The following SLFN12L variants were observed in gnomAD, a reference collection of about 807,000 sequenced individuals.
SLFN12L encodes the protein schlafen family member 12-like.
In SLFN12L, 34 loss-of-function variants were observed where a neutral mutation model predicts 34.8. That is an observed-to-expected ratio of 0.98 (90% CI 0.74 to 1.30). SLFN12L has a LOEUF of 1.30. Ranked by LOEUF, SLFN12L falls within the 50% of genes most tolerant of loss-of-function variation. The pLI, the probability that SLFN12L is intolerant of heterozygous loss-of-function variation, is 0.00. For missense variants in SLFN12L, 703 were observed against 696.2 expected (o/e 1.01, Z -0.11); for synonymous variants, 259 against 247.5 (o/e 1.05, Z -0.44).
chr17:35,523,340 G>A (rs1916053723), intron 1 of SLFN12L, among the ~76,000 whole-genome samples: 1 of 152,222 alleles, frequency 6.6e-6, no homozygotes, highest in African/African-American at 2.4e-5. Context: ...CAAAGTGCAT[G>A]AATCTCAAAA....
intron 2 of SLFN12L, among the ~76,000 whole-genome samples, chr17:35,511,268 A>G (rs1343257113): frequency 6.6e-6 from 1 of 152,216 alleles, no homozygotes. Context: ...TGTAGTATAT[A>G]CCAATTTTCT....
chr17:35,494,109 C>T (rs149013817), intron 2 of SLFN12L, among the ~76,000 whole-genome samples: 1,680 of 151,862 alleles, frequency 0.011, 32 homozygotes, highest in African/African-American at 0.038. Context: ...TATTTTCCTA[C>T]GGGGTACGTG....
At chr17:35,498,905 C>T (rs966271422) in intron 2 of SLFN12L, 15 of 712,224 alleles carry the variant, frequency 2.1e-5, no homozygotes, top group Non-Finnish European at 3.3e-5. Context: ...ATATGCCCAG[C>T]CCTATTCTGC....
chr17:35,485,935 G>A (rs193030900), intron 2 of SLFN12L, among the ~76,000 whole-genome samples: 1 of 152,118 alleles, frequency 6.6e-6, no homozygotes, highest in Non-Finnish European at 1.5e-5. Context: ...GTGGTGTAAG[G>A]CTCCCTATCC....
At chr17:35,494,775 G>C (rs1414631877) in intron 2 of SLFN12L, among the ~76,000 whole-genome samples, 2 of 152,168 alleles carry the variant, frequency 1.3e-5, no homozygotes, top group Non-Finnish European at 2.9e-5. Flanking sequence ...GCCAGGACTG[G>C]GGTGAGGAGA....
intron 1 of SLFN12L, among the ~76,000 whole-genome samples, chr17:35,529,904 T>G (rs2142176094): frequency 6.6e-6 from 1 of 151,252 alleles, no homozygotes; most frequent in African/African-American, 2.4e-5. Flanking sequence ...ATTGAAATAA[T>G]AAAAATAATA....
In SLFN12L at chr17:35,537,613, A is replaced by G. The variant is rs11650473; in HGVS notation, c.-646T>C. ...ATTCCACAGGGTTGAGATGCTGAAA[A>G]GATGAGAAAGTTCCAGGAGCTCTGA... On this transcript the variant is annotated 5_prime_UTR_variant, in exon 1 of 5. Coordinates refer to ENST00000628453, the MANE Select transcript of SLFN12L (RefSeq NM_001363830.2). 29,945 of 152,202 alleles carry G rather than the reference A, an allele frequency of 0.2. 3,027 individuals are homozygous for G. The highest frequency in any genetic ancestry group is 0.28 in the Middle Eastern group (83 of 292). 9.4% of individuals were successfully genotyped at this position (152,202 alleles called of 1,614,324 possible).
chr17:35,520,009 AC>A (rs1310140177), intron 2 of SLFN12L, among the ~76,000 whole-genome samples: 11 of 152,200 alleles, frequency 7.2e-5, no homozygotes, highest in Non-Finnish European at 1.6e-4. Flanking sequence ...GACCGATGGA[AC>A]AGTCTCTTCG....
At chr17:35,504,122 C>A (rs1464039906) in intron 2 of SLFN12L, among the ~76,000 whole-genome samples, 1 of 152,154 alleles carries the variant, frequency 6.6e-6, no homozygotes, top group Non-Finnish European at 1.5e-5. Context: ...CCTTGTTATA[C>A]CCTGTGGGGA....
chr17:35,495,786 G>A (rs965005409), intron 2 of SLFN12L, among the ~76,000 whole-genome samples: 11 of 151,628 alleles, frequency 7.3e-5, no homozygotes, highest in African/African-American at 2.4e-4. Flanking sequence ...AACTGGCGCT[G>A]TCCTTCGCGC....
At chr17:35,513,309 G>A (rs8067329) in intron 2 of SLFN12L, among the ~76,000 whole-genome samples, 139,165 of 152,236 alleles carry the variant, frequency 0.91, 63,717 homozygotes, top group East Asian at 0.99. Flanking sequence ...TGACTTGCCC[G>A]AGGCTGTGCA....
intron 2 of SLFN12L, among the ~76,000 whole-genome samples, chr17:35,500,969 G>A (rs562506067): frequency 3.9e-4 from 60 of 152,282 alleles, no homozygotes; most frequent in Non-Finnish European, 6.3e-4. Flanking sequence ...CGGGGAGCTC[G>A]GTTTTTGGAG....
At position 35,495,206 on chromosome 17, in the gene SLFN12L, A is replaced by G. The variant is rs532529102; in HGVS notation, c.87-15011T>C. 6.6e-5 allele frequency among the ~76,000 whole-genome samples: 10 copies of G among 152,152 alleles called. No homozygotes were observed. The South Asian group carries it at 2.1e-3, about 32-fold the overall frequency. On this transcript the variant is annotated intron_variant, in intron 2 of 4. Coordinates refer to ENST00000628453, the MANE Select transcript of SLFN12L (RefSeq NM_001363830.2). The stretch of plus-strand genomic sequence containing the variant: ...TGAGCCACCACGCCTGGCCGCATTA[A>G]TTTCGATTTTTTAAATATTGTTTAT...
At position 35,486,457 on chromosome 17, in the gene SLFN12L, A is replaced by G. The variant is rs530744438; in HGVS notation, c.87-6262T>C. Among the ~76,000 whole-genome samples the G allele has an allele frequency of 2.1e-4, 32 of 152,200 alleles. No individual in the cohort carries two copies. In the South Asian group the frequency reaches 6.4e-3, roughly 31 times the overall value. On this transcript the variant is annotated intron_variant, in intron 2 of 4. Coordinates refer to ENST00000628453, the MANE Select transcript of SLFN12L (RefSeq NM_001363830.2). ...AACCCATGGGAGCTGCAGTTGAGCCACCTTATAGAGGACCGAGCACTTGTG... is the reference window on the plus strand; with the variant it reads ...AACCCATGGGAGCTGCAGTTGAGCCGCCTTATAGAGGACCGAGCACTTGTG...
At chr17:35,475,827 G>A (rs1464861718) in intron 4 of SLFN12L, among the ~76,000 whole-genome samples, 1 of 151,958 alleles carries the variant, frequency 6.6e-6, no homozygotes, top group African/African-American at 2.4e-5. Flanking sequence ...TTGAGCCCAG[G>A]AAGTTGAGGC....
intron 2 of SLFN12L, chr17:35,500,271 A>T (rs1915244573): frequency 6.6e-6 from 1 of 152,196 alleles, no homozygotes; most frequent in South Asian, 2.1e-4. Flanking sequence ...CCTACGTAGA[A>T]GCTTTAATTT....
At position 35,494,228 on chromosome 17, in the gene SLFN12L, T is replaced by TAAA. The variant is rs3087170; in HGVS notation, c.87-14036_87-14034dup. 7.8e-3 allele frequency among the ~76,000 whole-genome samples: 1,163 copies of TAAA among 149,154 alleles called. 5 individuals carry two copies. The highest frequency in any genetic ancestry group is 0.014 in the Middle Eastern group (4 of 288). On this transcript the variant is annotated intron_variant, in intron 2 of 4. Coordinates refer to ENST00000628453, the MANE Select transcript of SLFN12L (RefSeq NM_001363830.2). ...AAAAAAGAAAATATGTAATATAATG[T>TAAA]AAAAAAAAAACAACAAAAAAGCTTT...
At chr17:35,532,108 A>G (rs534419087) in intron 1 of SLFN12L, among the ~76,000 whole-genome samples, 16 of 152,256 alleles carry the variant, frequency 1.1e-4, no homozygotes, top group Non-Finnish European at 2.4e-4. Flanking sequence ...GGTTCCATCA[A>G]AATATGTATT....
intron 2 of SLFN12L, chr17:35,491,091 T>G (rs2142140500): frequency 7.7e-6 from 6 of 776,788 alleles, no homozygotes; most frequent in Non-Finnish European, 2.4e-6. Context: ...GTGAACTTAC[T>G]GCCTCCCCTG....
Sources: gnomAD v4.1 joint callset for allele counts (sites outside exome capture counted in the v4.1 genomes callset) on GRCh38, gnomAD v4.1.1 for gene constraint, MANE v1.5 for transcripts, NCBI Gene and HGNC (gene_info 2026-07-23, HGNC 2026-07-21) for gene names.